Variants in ANK2 observed in about 807,000 individuals in gnomAD.
ANK2 encodes the protein ankyrin-2.
Under a neutral mutation model 360.5 loss-of-function variants are expected in ANK2, and 83 were observed. The ratio of observed to expected loss-of-function variants is 0.23; its 90% CI spans 0.19 to 0.28. The LOEUF (loss-of-function observed/expected upper bound fraction) is 0.28, where lower values mean the gene tolerates loss of function less well. Ranked by LOEUF, ANK2 falls within the 10% of genes least tolerant of loss-of-function variation. The pLI is 1.00. For missense variants in ANK2, 4,201 were observed against 4,795.7 expected (o/e 0.88, Z 3.66); for synonymous variants, 1,740 against 1,759.5 (o/e 0.99, Z 0.28).
intron 1 of ANK2, among the ~76,000 whole-genome samples, chr4:113,148,749 T>C (rs900973363): frequency 6.6e-6 from 1 of 152,054 alleles, no homozygotes; most frequent in South Asian, 2.1e-4. Context: ...TATGGGGGGA[T>C]GAGGAAGCAT....
At chr4:112,801,561 A>C in the ANK2 span, among the ~76,000 whole-genome samples, 1 of 152,216 alleles carries the variant, frequency 6.6e-6, no homozygotes, top group Non-Finnish European at 1.5e-5. Flanking sequence ...TAAGGGGATT[A>C]GGGCAAGGCT....
chr4:113,150,868 A>G (rs1239337958), intron 1 of ANK2, among the ~76,000 whole-genome samples: 1 of 152,234 alleles, frequency 6.6e-6, no homozygotes, highest in Non-Finnish European at 1.5e-5. Context: ...AAGATTTAGA[A>G]TTTGAACTAT....
chr4:113,320,312 T>C (rs1035104372), intron 26 of ANK2, among the ~76,000 whole-genome samples: 1 of 152,212 alleles, frequency 6.6e-6, no homozygotes, highest in Non-Finnish European at 1.5e-5. Context: ...TGACTCTGGA[T>C]AATTCTCAAC....
chr4:112,757,259 C>T, the ANK2 span, among the ~76,000 whole-genome samples: 1 of 151,772 alleles, frequency 6.6e-6, no homozygotes, highest in South Asian at 2.1e-4. Flanking sequence ...ATTACAGACG[C>T]CCGCCACCAA....
chr4:112,896,107 CT>C (rs766406121), intron 1 of ANK2, among the ~76,000 whole-genome samples: 3 of 152,226 alleles, frequency 2.0e-5, no homozygotes, highest in Non-Finnish European at 4.4e-5. Context: ...AAGGAGCTCA[CT>C]TTAGAAGACT....
At chr4:113,299,060 C>T (rs1179360188) in intron 22 of ANK2, among the ~76,000 whole-genome samples, 3 of 152,124 alleles carry the variant, frequency 2.0e-5, no homozygotes, top group African/African-American at 7.2e-5. Flanking sequence ...AGAAAAATAT[C>T]CATGACCAAT....
rs760097199 is a variant in ANK2 at position 113,357,902 on chromosome 4, C to A, written c.9284C>A (p.Thr3095Lys). ...ARTPTEEGTPTSEQNPFLFQE... is the reference protein window; with the variant it reads ...ARTPTEEGTPKSEQNPFLFQE... The stretch of plus-strand genomic sequence containing the variant: ...ACCCCAACTGAAGAGGGGACCCCAA[C>A]AAGTGAGCAAAACCCATTTCTGTTT... The change falls in exon 38 of 46, where the codon ACA (threonine) becomes AAA (lysine). Residue 3095 changes from threonine (T) to lysine (K), a missense_variant. Coordinates refer to ENST00000357077, the MANE Select transcript of ANK2 (RefSeq NM_001148.6). 6.2e-7 allele frequency: 1 copy of A among 1,614,088 alleles called. No individual in the cohort carries two copies. The highest frequency in any genetic ancestry group is 2.2e-5 in the East Asian group (1 of 44,858).
intron 2 of ANK2, among the ~76,000 whole-genome samples, chr4:112,973,099 A>G (rs559094784): frequency 1.1e-4 from 16 of 152,112 alleles, no homozygotes; most frequent in Non-Finnish European, 2.2e-4. Context: ...GGTGCTTTCA[A>G]AATCTCAGAA....
In ANK2 at chr4:113,355,268, G is replaced by T; in HGVS notation, c.6650G>T (p.Ser2217Ile). The T allele has an allele frequency of 1.9e-6, 3 of 1,614,056 alleles. No homozygotes were observed. Among genetic ancestry groups the T allele is most frequent in the Non-Finnish European group, 2.5e-6 (3 of 1,179,970 alleles). ...GGGGTAGCCGGCTCTCCGTGTGGCA[G>T]CCTGATGGAGGGGACCCCTCAGATT... ...NEGVAGSPCG[S>I]LMEGTPQISS... The change falls in exon 38 of 46, where the codon AGC (serine) becomes ATC (isoleucine). Residue 2217 changes from serine to isoleucine, a missense_variant. By Grantham distance (142) the Ser-to-Ile change is moderately radical. This residue lies in a region of ANK2 where 2,642 missense variants were observed against 2,714.5 expected (regional missense o/e 0.97). Coordinates refer to ENST00000357077, the MANE Select transcript of ANK2 (RefSeq NM_001148.6).
At chr4:112,794,845 A>T in the ANK2 span, among the ~76,000 whole-genome samples, 1 of 152,162 alleles carries the variant, frequency 6.6e-6, no homozygotes, top group African/African-American at 2.4e-5. Context: ...CGCTTTTTCC[A>T]GGAGGAGGCA....
intron 1 of ANK2, among the ~76,000 whole-genome samples, chr4:112,828,077 C>T (rs1484503392): frequency 2.0e-5 from 3 of 152,110 alleles, no homozygotes; most frequent in East Asian, 1.9e-4. Context: ...CTACAACCAT[C>T]TGATCTTCAA....
intron 2 of ANK2, among the ~76,000 whole-genome samples, chr4:113,029,407 A>G (rs1360143583): frequency 1.3e-5 from 2 of 151,722 alleles, no homozygotes; most frequent in Non-Finnish European, 2.9e-5. Context: ...GCTAATTTTT[A>G]TTTATTTATT....
chr4:112,926,254 G>T (rs1032894556), intron 2 of ANK2, among the ~76,000 whole-genome samples: 5 of 152,214 alleles, frequency 3.3e-5, no homozygotes, highest in Non-Finnish European at 7.3e-5. Context: ...AGGATACAAA[G>T]AAGTAAGTTA....
chr4:112,829,830 G>A (rs1370605951), intron 1 of ANK2, among the ~76,000 whole-genome samples: 1 of 151,962 alleles, frequency 6.6e-6, no homozygotes, highest in African/African-American at 2.4e-5. Flanking sequence ...GTGGTGGTGG[G>A]TACCTGTAGT....
At chr4:112,716,119 G>A in the ANK2 span, among the ~76,000 whole-genome samples, 2 of 152,154 alleles carry the variant, frequency 1.3e-5, no homozygotes, top group Non-Finnish European at 2.9e-5. Flanking sequence ...AGACACGGAA[G>A]TCAGAAATGA....
chr4:113,302,750 G>T lies in ANK2; in HGVS notation c.2476-17G>T, dbSNP rs1587707023. 1 of 1,603,914 alleles carries T rather than the reference G, an allele frequency of 6.2e-7. No individual in the cohort carries two copies. Among genetic ancestry groups the T allele is most frequent in the South Asian group, 1.1e-5 (1 of 90,816 alleles). On this transcript the variant is annotated splice_polypyrimidine_tract_variant and intron_variant, in intron 22 of 45. Transcript: ENST00000357077. ...TTTTGGTTTCAACTTGAACATTAATGATTTTTGTTTTTCCAGACTATTACA... is the reference window on the plus strand; with the variant it reads ...TTTTGGTTTCAACTTGAACATTAATTATTTTTGTTTTTCCAGACTATTACA...
chr4:112,827,577 T>A, intron 1 of ANK2: 1 of 1,047,210 alleles, frequency 9.5e-7, no homozygotes, highest in Non-Finnish European at 1.5e-6. Flanking sequence ...TGAAATATTC[T>A]CGAGCTCTAT....
chr4:112,732,246 AT>A, the ANK2 span, among the ~76,000 whole-genome samples: 9,826 of 134,050 alleles, frequency 0.073, 502 homozygotes, highest in African/African-American at 0.16. Flanking sequence ...CAGAGTAGGG[AT>A]TTTTTTTTTT....
At chr4:113,048,272 ATATATTTTTTTTTT>A (rs1463543033), upstream of ANK2, among the ~76,000 whole-genome samples, 4 of 47,992 alleles carry the variant, frequency 8.3e-5, no homozygotes, top group Non-Finnish European at 1.4e-4. Flanking sequence ...ATATATATAT[ATATATTTTTTTTTT>A]TTTTTTTTTT....
Sources: gnomAD v4.1 joint callset for allele counts (sites outside exome capture counted in the v4.1 genomes callset) on GRCh38, gnomAD v4.1.1 for gene constraint, gnomAD v4.1.1 regional missense constraint, MANE v1.5 for transcripts, NCBI Gene and HGNC (gene_info 2026-07-23, HGNC 2026-07-21) for gene names.